The following TM4SF1 variants were observed in gnomAD, a reference collection of about 807,000 sequenced individuals.
TM4SF1 encodes the protein transmembrane 4 L6 family member 1.
In TM4SF1, 20 loss-of-function variants were observed where a neutral mutation model predicts 24.5. The observed-to-expected ratio is 0.82, with a 90% CI of 0.57 to 1.19. The LOEUF (loss-of-function observed/expected upper bound fraction) is 1.19, where lower values mean the gene tolerates loss of function less well. TM4SF1 is among the 50% of genes most tolerant of loss of function. The probability of loss-of-function intolerance (pLI) is 0.00; values close to 1 mark genes in which losing one functional copy is unlikely to be tolerated. For missense variants in TM4SF1, 258 were observed against 248.1 expected (o/e 1.04, Z -0.27); for synonymous variants, 107 against 95.4 (o/e 1.12, Z -0.71).
At position 149,369,111 on chromosome 3, in the gene TM4SF1, A is replaced by C. The variant is rs1731759717; in HGVS notation, c.*755T>G. 1 of 152,182 alleles carries C rather than the reference A, an allele frequency of 6.6e-6. No individual in the cohort carries two copies. The highest frequency in any genetic ancestry group is 1.5e-5 in the Non-Finnish European group (1 of 68,050). The allele number at this position is 152,182 out of a possible 1,614,324, so 9.4% of individuals were successfully genotyped here. On this transcript the variant is annotated 3_prime_UTR_variant, in exon 5 of 5. Coordinates refer to ENST00000305366, the MANE Select transcript of TM4SF1 (RefSeq NM_014220.3). ...CTGCCGTCACTCGTCCCCATGTTCC[A>C]ATGATGCTGATCAACTGCTTTATTC...
intron 3 of TM4SF1, 126 bp downstream of exon 3, chr3:149,375,317 T>G: frequency 3.6e-5 from 45 of 1,233,062 alleles, no homozygotes; most frequent in Non-Finnish European, 4.4e-5. Context: ...CCTGAGTCAG[T>G]GAGAATAAAC....
At chr3:149,371,645 AACACCAGGGCCAGACT>A (rs1276352890) in intron 4 of TM4SF1, 26 bp downstream of exon 4, 1 of 1,610,034 alleles carries the variant, frequency 6.2e-7, no homozygotes, top group Non-Finnish European at 8.5e-7. Flanking sequence ...ATGGTATATT[AACACCAGGGCCAGACT>A]ACGACATTTT....
rs148935788 is a variant in TM4SF1, at chr3:149,376,900, T to A, written c.177+471A>T. On this transcript the variant is annotated intron_variant, in intron 1 of 4. Transcript: ENST00000305366. ...CCAGCCTTACATAAAGGAGAAAGCT[T>A]AGAGTTCTTTTAAAATAGCAATGCA... Among the ~76,000 whole-genome samples, 743 of 152,348 alleles carry A rather than the reference T, an allele frequency of 4.9e-3. 7 individuals are homozygous for A. The highest frequency in any genetic ancestry group is 0.017 in the African/African-American group (700 of 41,580).
intron 1 of TM4SF1, among the ~76,000 whole-genome samples, chr3:149,376,468 A>C (rs1341466145): frequency 6.6e-6 from 1 of 152,234 alleles, no homozygotes; most frequent in African/African-American, 2.4e-5. Context: ...CATGAGTTCA[A>C]GACCAGCCTG....
intron 4 of TM4SF1, chr3:149,370,656 GA>G (rs1731800162): frequency 6.6e-6 from 1 of 152,094 alleles, no homozygotes; most frequent in South Asian, 2.1e-4. Context: ...TATTTTCTTG[GA>G]AATTTGCCAA....
At chr3:149,373,981 GC>G (rs1731892778) in intron 3 of TM4SF1, among the ~76,000 whole-genome samples, 1 of 152,146 alleles carries the variant, frequency 6.6e-6, no homozygotes, top group Non-Finnish European at 1.5e-5. Flanking sequence ...TCTGATAAAA[GC>G]TGAGTCATGA....
chr3:149,369,780 A>G lies in TM4SF1; in HGVS notation c.*86T>C, dbSNP rs1361651840. On this transcript the variant is annotated 3_prime_UTR_variant, in exon 5 of 5. Transcript: ENST00000305366. ...ACTGTGGGGAGTATGTTACACTAAT[A>G]CAAAGTTTTACAAATGAATACAAGT... is the stretch of plus-strand genomic sequence containing the variant. The G allele has an allele frequency of 1.9e-6, 3 of 1,569,924 alleles. No individual in the cohort carries two copies. The highest frequency in any genetic ancestry group is 2.3e-5 in the East Asian group (1 of 44,336).
intron 4 of TM4SF1, 158 bp downstream of exon 4, chr3:149,371,529 A>T: frequency 1.4e-6 from 1 of 733,652 alleles, no homozygotes; most frequent in Non-Finnish European, 2.3e-6. Context: ...CTTGTTACTG[A>T]CAGCTAAAGT....
chr3:149,370,437 C>T (rs1339869091), intron 4 of TM4SF1: 3 of 152,646 alleles, frequency 2.0e-5, no homozygotes, highest in African/African-American at 7.2e-5. Flanking sequence ...TCACTTCAGC[C>T]ATTTTGGTCA....
chr3:149,374,995 ATCTC>A lies in TM4SF1; in HGVS notation c.413+444_413+447del, dbSNP rs918046047. Reference sequence around the variant, plus strand: ...AACGTGACCTTGGATGAATTACTCCATCTCTCTGTGATTTTGTTTCCTCATCTTT... The same window carrying A: ...AACGTGACCTTGGATGAATTACTCCATCTGTGATTTTGTTTCCTCATCTTT... On this transcript the variant is annotated intron_variant, in intron 3 of 4. Coordinates refer to ENST00000305366, the MANE Select transcript of TM4SF1 (RefSeq NM_014220.3). 1.1e-4 allele frequency among the ~76,000 whole-genome samples: 17 copies of A among 152,300 alleles called. No homozygotes were observed. The South Asian group carries it at 2.1e-3, about 19-fold the overall frequency.
rs139388284 is a variant in TM4SF1, at chr3:149,369,651, T to TA, written c.*214dup. 13,423 of 491,104 alleles carry TA rather than the reference T, an allele frequency of 0.027. 238 individuals are homozygous for TA. The highest frequency in any genetic ancestry group is 0.11 in the African/African-American group (5,348 of 49,704). The allele number at this position is 491,104 out of a possible 1,614,324, so 30.4% of individuals were successfully genotyped here. On this transcript the variant is annotated 3_prime_UTR_variant, in exon 5 of 5. Coordinates refer to ENST00000305366, the MANE Select transcript of TM4SF1 (RefSeq NM_014220.3). ...GAGGGTGGTTTGTTTCCTCATTCCT[T>TA]AAAAAAAAACAAAAACAAATAAACA... is the stretch of plus-strand genomic sequence containing the variant.
chr3:149,377,349 G>A (rs1411650739), intron 1 of TM4SF1, 22 bp downstream of exon 1: 1 of 1,607,290 alleles, frequency 6.2e-7, no homozygotes, highest in African/African-American at 1.3e-5. Flanking sequence ...AGAGAATTCA[G>A]TAATAATCCT....
intron 3 of TM4SF1, among the ~76,000 whole-genome samples, chr3:149,374,570 T>TA (rs200725603): frequency 0.01 from 1,527 of 151,974 alleles, 34 homozygotes; most frequent in African/African-American, 0.035. Context: ...GGATAACTGA[T>TA]AAAAAAAATA....
intron 4 of TM4SF1, chr3:149,371,258 C>T: frequency 4.7e-6 from 1 of 210,646 alleles, no homozygotes; most frequent in Middle Eastern, 1.7e-3. Context: ...GATCTTAAGC[C>T]TATTGCTTAA....
chr3:149,374,063 G>A (rs1420486993), intron 3 of TM4SF1, among the ~76,000 whole-genome samples: 1 of 152,158 alleles, frequency 6.6e-6, no homozygotes, highest in Non-Finnish European at 1.5e-5. Context: ...GGCTACCATT[G>A]GGTTATGTTT....
In TM4SF1 at chr3:149,375,501, G is replaced by A; in HGVS notation, c.355C>T (p.Pro119Ser). 6.2e-7 allele frequency: 1 copy of A among 1,614,204 alleles called. No homozygotes were observed. The highest frequency in any genetic ancestry group is 8.5e-7 in the Non-Finnish European group (1 of 1,180,042). The stretch of plus-strand genomic sequence containing the variant: ...TGGCCGAGGGAATCAAGACATAGTG[G>A]TCCTTCTGCTAAGCCAAGGGCTGCC... ...IVAALGLAEGPLCLDSLGQWN... is the reference protein window; with the variant it reads ...IVAALGLAEGSLCLDSLGQWN... Residue 119 changes from proline (P) to serine (S), a missense_variant, in exon 3 of 5, where the codon CCA becomes TCA. By Grantham distance (74) the Pro-to-Ser change is moderately conservative. Coordinates refer to ENST00000305366, the MANE Select transcript of TM4SF1 (RefSeq NM_014220.3).
At position 149,371,805 on chromosome 3, in the gene TM4SF1, T is replaced by G. The variant is rs1388373162; in HGVS notation, c.476A>C (p.Asn159Thr). 6.2e-7 allele frequency: 1 copy of G among 1,614,040 alleles called. No homozygotes were observed. The highest frequency in any genetic ancestry group is 2.2e-5 in the East Asian group (1 of 44,886). Residue 159 changes from asparagine (N) to threonine (T), a missense_variant, in exon 4 of 5, where the codon AAT becomes ACT. Transcript: ENST00000305366. ...CTEPKHIVEWNVSLFSILLAL... is the reference protein window; with the variant it reads ...CTEPKHIVEWTVSLFSILLAL... ...CAAGAGGATAGAAAACAGAGATACA[T>G]TCCATTCCACAATGTGCTTGGGTTC...
At chr3:149,372,116 CA>C (rs1731838747) in intron 3 of TM4SF1, among the ~76,000 whole-genome samples, 1 of 152,086 alleles carries the variant, frequency 6.6e-6, no homozygotes, top group South Asian at 2.1e-4. Flanking sequence ...CAGAAATTCT[CA>C]CCTTATAATG....
chr3:149,375,811 G>C (rs1731938158), intron 1 of TM4SF1, 42 bp from the exon 2 acceptor site: 1 of 1,579,952 alleles, frequency 6.3e-7, no homozygotes, highest in Non-Finnish European at 8.7e-7. Context: ...GTCTTGCTCA[G>C]GCTCATATGG....
Sources: allele counts gnomAD v4.1 joint callset (sites outside exome capture counted in the v4.1 genomes callset), GRCh38; gene constraint gnomAD v4.1.1; transcripts MANE v1.5; gene names NCBI Gene and HGNC (gene_info 2026-07-23, HGNC 2026-07-21).